Variants in VNN1 observed in about 807,000 individuals in gnomAD.
The protein encoded by VNN1 is pantetheinase.
VNN1 carries 29 observed loss-of-function variants against 41.9 expected under a neutral mutation model. The observed-to-expected ratio is 0.69, with a 90% CI of 0.52 to 0.94. The LOEUF (loss-of-function observed/expected upper bound fraction) is 0.94. Among genes scored for constraint, VNN1 ranks in the 40% least tolerant of loss-of-function variants. The pLI, the probability that VNN1 is intolerant of heterozygous loss-of-function variation, is 0.00. For missense variants in VNN1, 637 were observed against 621.1 expected (o/e 1.03, Z -0.27); for synonymous variants, 233 against 224.4 (o/e 1.04, Z -0.34).
intron 6 of VNN1, among the ~76,000 whole-genome samples, chr6:132,683,975 C>CG (rs1453169601): frequency 6.6e-6 from 1 of 152,144 alleles, no homozygotes; most frequent in Non-Finnish European, 1.5e-5. Flanking sequence ...ACTCACTCGA[C>CG]GAGAGGGACT....
chr6:132,708,956 G>A (rs928160365), intron 2 of VNN1, among the ~76,000 whole-genome samples: 8 of 152,096 alleles, frequency 5.3e-5, no homozygotes, highest in Non-Finnish European at 1.5e-5. Context: ...TTGGAATTTA[G>A]AATTCCTTCA....
intron 2 of VNN1, among the ~76,000 whole-genome samples, chr6:132,707,473 T>G (rs553878843): frequency 7.2e-5 from 11 of 152,274 alleles, no homozygotes; most frequent in African/African-American, 2.6e-4. Context: ...AATCAGTATA[T>G]AGAAAAGATA....
chr6:132,686,146 TA>T (rs904826156), intron 5 of VNN1, among the ~76,000 whole-genome samples: 2 of 152,078 alleles, frequency 1.3e-5, no homozygotes, highest in Non-Finnish European at 2.9e-5. Context: ...TTACACTTTT[TA>T]AAAAAAATGT....
Position 132,684,503 on chromosome 6 carries a change from A to G in VNN1, c.1191T>C (p.Ile397=), listed in dbSNP as rs1778179141. The change falls in exon 6 of 7, where the codon ATT becomes ATC. Residue 397 remains isoleucine, a splice_region_variant and synonymous_variant. Transcript: ENST00000367928. Reference sequence around the variant, plus strand: ...TCGTTTTACATTTCAACAGGGTACAAATCTAGGGAAGTCATGAAAACCAGT... The same window carrying G: ...TCGTTTTACATTTCAACAGGGTACAGATCTAGGGAAGTCATGAAAACCAGT... The part of the protein sequence containing the change: ...HTVEGRYYLQ[I]CTLLKCKTTN... 6.2e-7 allele frequency: 1 copy of G among 1,613,450 alleles called. No homozygotes were observed. The highest frequency in any genetic ancestry group is 1.7e-5 in the Admixed American group (1 of 59,930).
chr6:132,693,035 T>C lies in VNN1; in HGVS notation c.815A>G (p.Lys272Arg), dbSNP rs1431023827. Residue 272 changes from lysine to arginine, a missense_variant, in exon 4 of 7, where the codon AAG (lysine) becomes AGG (arginine). Physicochemically the swap from Lys to Arg is conservative, Grantham distance 26. Transcript: ENST00000367928. ...AGATCACACATTACCTGTCATTTTCTTTGAGGGGTAATGTATGTTGGATGC... is the reference window on the plus strand; with the variant it reads ...AGATCACACATTACCTGTCATTTTCCTTGAGGGGTAATGTATGTTGGATGC... ...FLASNIHYPS[K>R]KMTGSGIYAP... 1 of 1,605,184 alleles carries C rather than the reference T, an allele frequency of 6.2e-7. No individual in the cohort carries two copies. Among genetic ancestry groups the C allele is most frequent in the Non-Finnish European group, 8.5e-7 (1 of 1,174,244 alleles).
chr6:132,702,721 C>G (rs77380530), intron 2 of VNN1, among the ~76,000 whole-genome samples: 5 of 152,190 alleles, frequency 3.3e-5, no homozygotes, highest in Non-Finnish European at 7.3e-5. Context: ...CTGAATCCCC[C>G]AACCCAGGCC....
At chr6:132,702,721 C>T (rs77380530) in intron 2 of VNN1, among the ~76,000 whole-genome samples, 99 of 152,308 alleles carry the variant, frequency 6.5e-4, no homozygotes, top group African/African-American at 2.3e-3. Context: ...CTGAATCCCC[C>T]AACCCAGGCC....
chr6:132,695,558 C>T (rs140167213), intron 2 of VNN1, among the ~76,000 whole-genome samples: 1,539 of 152,264 alleles, frequency 0.01, 23 homozygotes, highest in Admixed American at 0.044. Flanking sequence ...CAAAGGCAAG[C>T]AGCTATTGTT....
At chr6:132,700,746 G>A (rs1489943525) in intron 2 of VNN1, among the ~76,000 whole-genome samples, 1 of 152,118 alleles carries the variant, frequency 6.6e-6, no homozygotes, top group Non-Finnish European at 1.5e-5. Flanking sequence ...GAAACTAAAT[G>A]TTGACATTCA....
Position 132,696,063 on chromosome 6 carries a change from G to A in VNN1, c.342-1881C>T, listed in dbSNP as rs1042969312. On this transcript the variant is annotated intron_variant, in intron 2 of 6. Coordinates refer to ENST00000367928, the MANE Select transcript of VNN1 (RefSeq NM_004666.3). ...ACTAAACACAGACTTTAAAACAATG[G>A]TTTTACAGAAGCTTAAGAAAATAAA... Among the ~76,000 whole-genome samples, 13 of 152,160 alleles carry A rather than the reference G, an allele frequency of 8.5e-5. No individual in the cohort carries two copies. In the East Asian group the frequency reaches 2.3e-3, roughly 27 times the overall value.
Position 132,694,167 on chromosome 6 carries a change from T to C in VNN1, c.357A>G (p.Pro119=). ...CNNRNRFGQT[P]VQERLSCLAK... is the part of the protein sequence containing the mutation. ...CCAGGCAGCTGAGTCTTTCTTGTAC[T>C]GGGGTCTGGCCAAATCTGATACATG... The change falls in exon 3 of 7, where the codon CCA becomes CCG. Residue 119 remains proline, a synonymous_variant. Coordinates refer to ENST00000367928, the MANE Select transcript of VNN1 (RefSeq NM_004666.3). The C allele has an allele frequency of 3.1e-6, 5 of 1,606,170 alleles. No individual in the cohort carries two copies. In the Middle Eastern group the frequency reaches 5.0e-4, roughly 160 times the overall value.
At chr6:132,703,687 A>G (rs919842136) in intron 2 of VNN1, among the ~76,000 whole-genome samples, 3 of 152,174 alleles carry the variant, frequency 2.0e-5, no homozygotes, top group African/African-American at 7.2e-5. Flanking sequence ...AAATGGCAGG[A>G]GTATGTCCTT....
At chr6:132,697,587 T>C (rs1393590352) in intron 2 of VNN1, among the ~76,000 whole-genome samples, 1 of 151,850 alleles carries the variant, frequency 6.6e-6, no homozygotes. Context: ...AAATGATAAA[T>C]GGTTATTGAA....
At chr6:132,690,767 G>T (rs947269600) in intron 5 of VNN1, among the ~76,000 whole-genome samples, 18 of 152,190 alleles carry the variant, frequency 1.2e-4, no homozygotes, top group African/African-American at 4.3e-4. Context: ...AAAATACTGT[G>T]CAGTTGGCAT....
chr6:132,683,007 G>T lies in VNN1; in HGVS notation c.*133C>A. 1 of 655,768 alleles carries T rather than the reference G, an allele frequency of 1.5e-6. No homozygotes were observed. The highest frequency in any genetic ancestry group is 2.4e-6 in the Non-Finnish European group (1 of 414,012). 40.6% of individuals were successfully genotyped at this position (655,768 alleles called of 1,614,324 possible). ...ATTAAGTTTATATTATCTGGTGTGT[G>T]TGTGTTTGTCTAAATAAAGAGAAAC... On this transcript the variant is annotated 3_prime_UTR_variant, in exon 7 of 7. Coordinates refer to ENST00000367928, the MANE Select transcript of VNN1 (RefSeq NM_004666.3).
intron 2 of VNN1, among the ~76,000 whole-genome samples, chr6:132,696,208 G>A (rs1486019578): frequency 6.6e-6 from 1 of 152,144 alleles, no homozygotes; most frequent in Non-Finnish European, 1.5e-5. Context: ...TTTATAGGAG[G>A]ATTCGAAGAC....
At chr6:132,704,125 C>T (rs970452643) in intron 2 of VNN1, among the ~76,000 whole-genome samples, 1 of 151,956 alleles carries the variant, frequency 6.6e-6, no homozygotes, top group African/African-American at 2.4e-5. Flanking sequence ...ATTTCAACAT[C>T]CTACTTTCAG....
At chr6:132,693,448 G>A in intron 3 of VNN1, 133 bp from the exon 4 acceptor site, 3 of 1,020,254 alleles carry the variant, frequency 2.9e-6, no homozygotes, top group Non-Finnish European at 1.4e-6. Context: ...TGGGAAATGA[G>A]TTTGCTTTAG....
chr6:132,691,663 C>T (rs941036328), intron 5 of VNN1, among the ~76,000 whole-genome samples: 3 of 151,942 alleles, frequency 2.0e-5, no homozygotes, highest in African/African-American at 7.3e-5. Context: ...CTGCCTTTTC[C>T]CAATCAGCTT....
Sources: allele counts gnomAD v4.1 joint callset (sites outside exome capture counted in the v4.1 genomes callset), GRCh38; gene constraint gnomAD v4.1.1; transcripts MANE v1.5; gene names NCBI Gene and HGNC (gene_info 2026-07-23, HGNC 2026-07-21).